NUFIP2: variants seen among roughly 807,000 people sequenced by gnomAD.
The protein encoded by NUFIP2 is FMR1-interacting protein NUFIP2.
A neutral mutation model predicts 56.9 loss-of-function variants in NUFIP2; 6 were observed. The observed-to-expected ratio is 0.11, with a 90% CI of 0.06 to 0.21. The LOEUF is 0.21. Among genes scored for constraint, NUFIP2 ranks in the 10% least tolerant of loss-of-function variants. The pLI is 1.00. For missense variants in NUFIP2, 828 were observed against 826.8 expected, an observed-to-expected ratio of 1.00 and a Z score of -0.02; for synonymous variants, 321 against 298.2, an observed-to-expected ratio of 1.08 and a Z score of -0.79.
chr17:29,276,884 A>G (rs866607081), intron 2 of NUFIP2, among the ~76,000 whole-genome samples: 1 of 152,194 alleles, frequency 6.6e-6, no homozygotes, highest in African/African-American at 2.4e-5. Flanking sequence ...CAAAAACAGC[A>G]ATTTCATATA....
intron 2 of NUFIP2, among the ~76,000 whole-genome samples, chr17:29,276,838 A>G (rs1288804479): frequency 6.6e-6 from 1 of 152,180 alleles, no homozygotes; most frequent in Non-Finnish European, 1.5e-5. Context: ...AGGCAGACCC[A>G]TTTGGCATTG....
chr17:29,272,469 T>C (rs1045383667), intron 2 of NUFIP2, among the ~76,000 whole-genome samples: 3 of 152,124 alleles, frequency 2.0e-5, no homozygotes, highest in Admixed American at 2.0e-4. Context: ...CTCGATCTCC[T>C]GACCTTGTGA....
Position 29,287,175 on chromosome 17 carries a change from T to C in NUFIP2, c.819A>G (p.Val273=). 6.2e-7 allele frequency: 1 copy of C among 1,614,220 alleles called. No homozygotes were observed. The highest frequency in any genetic ancestry group is 8.5e-7 in the Non-Finnish European group (1 of 1,180,034). ...ACTTCCAAATGGGCTTCGAACCATC[T>C]ACTCGATTTCCCTTTTGTTCACTAT... ...PDYSEQKGNR[V]DGSKPIWKYE... Residue 273 remains valine, a synonymous_variant, in exon 2 of 4, where the codon GTA becomes GTG. Transcript: ENST00000225388.
rs2068986103 is a variant in NUFIP2 at position 29,258,924 on chromosome 17, G to A, written c.*5615C>T. The A allele has an allele frequency of 6.6e-6, 1 of 152,124 alleles. No individual in the cohort carries two copies. The highest frequency in any genetic ancestry group is 6.5e-5 in the Admixed American group (1 of 15,274). The allele number at this position is 152,124 out of a possible 1,614,324, so 9.4% of individuals were successfully genotyped here. On this transcript the variant is annotated 3_prime_UTR_variant, in exon 4 of 4. Coordinates refer to ENST00000225388, the MANE Select transcript of NUFIP2 (RefSeq NM_020772.3). ...AAAATGCAACAATATCTAATGAAAT[G>A]TATTCAAGATCATGAAAGGATCCTC...
chr17:29,265,303 T>G (rs974447324), intron 3 of NUFIP2, among the ~76,000 whole-genome samples: 2 of 132,244 alleles, frequency 1.5e-5, no homozygotes, highest in African/African-American at 2.8e-5. Context: ...TTATTTTATT[T>G]TATTTTTTTT....
rs1187791767 is a variant in NUFIP2 at position 29,259,453 on chromosome 17, GCC to G, written c.*5084_*5085del. ...AAATTAGCCAGGTGTGGTGGTGTGC[GCC>G]CGTAATCCCAGCTACATGGGAGGCT... On this transcript the variant is annotated 3_prime_UTR_variant, in exon 4 of 4. Coordinates refer to ENST00000225388, the MANE Select transcript of NUFIP2 (RefSeq NM_020772.3). The G allele has an allele frequency of 6.6e-6, 1 of 151,848 alleles. No homozygotes were observed. The highest frequency in any genetic ancestry group is 1.9e-4 in the East Asian group (1 of 5,172). 9.4% of individuals were successfully genotyped at this position (151,848 alleles called of 1,614,324 possible). A position where few individuals can be genotyped will look rare whatever the true frequency, so the allele number is the denominator to read the frequency against.
intron 2 of NUFIP2, among the ~76,000 whole-genome samples, chr17:29,275,799 G>A (rs372160518): frequency 1.8e-4 from 28 of 152,076 alleles, no homozygotes; most frequent in African/African-American, 6.3e-4. Flanking sequence ...AGGCCAAGGC[G>A]GGTGGATCAC....
chr17:29,293,212 C>G (rs1338399045), intron 1 of NUFIP2, among the ~76,000 whole-genome samples: 1 of 151,508 alleles, frequency 6.6e-6, no homozygotes, highest in East Asian at 2.0e-4. Context: ...GGAAATGACC[C>G]GTGAGATGAG....
chr17:29,275,828 G>A (rs532625419), intron 2 of NUFIP2, among the ~76,000 whole-genome samples: 65 of 152,078 alleles, frequency 4.3e-4, no homozygotes, highest in African/African-American at 1.5e-3. Flanking sequence ...AGGAGTTCGA[G>A]GCCAGCCTGA....
In NUFIP2 at chr17:29,263,285, C is replaced by T. The variant is rs1055928215; in HGVS notation, c.*1254G>A. ...ATGTAATGATAAGACAGGGCTAATGCTCTTCTCTGCCCCAAAGAAAATTTC... is the reference window on the plus strand; with the variant it reads ...ATGTAATGATAAGACAGGGCTAATGTTCTTCTCTGCCCCAAAGAAAATTTC... On this transcript the variant is annotated 3_prime_UTR_variant, in exon 4 of 4. Coordinates refer to ENST00000225388, the MANE Select transcript of NUFIP2 (RefSeq NM_020772.3). 1 of 152,582 alleles carries T rather than the reference C, an allele frequency of 6.6e-6. No homozygotes were observed. Among genetic ancestry groups the T allele is most frequent in the East Asian group, 1.9e-4 (1 of 5,202 alleles). The allele number at this position is 152,582 out of a possible 1,614,324, so 9.5% of individuals were successfully genotyped here.
In NUFIP2 at chr17:29,260,193, A is replaced by G. The variant is rs1042947428; in HGVS notation, c.*4346T>C. 5.3e-5 allele frequency: 8 copies of G among 151,696 alleles called. No individual in the cohort carries two copies. The highest frequency in any genetic ancestry group is 1.0e-4 in the Non-Finnish European group (7 of 67,898). The allele number at this position is 151,696 out of a possible 1,614,324, so 9.4% of individuals were successfully genotyped here. Reference sequence around the variant, plus strand: ...AAATTATCAAAATTTTGTGGCGGGTAAGGGGACAAGAGCAAATCCTACGTT... The same window carrying G: ...AAATTATCAAAATTTTGTGGCGGGTGAGGGGACAAGAGCAAATCCTACGTT... On this transcript the variant is annotated 3_prime_UTR_variant, in exon 4 of 4. Coordinates refer to ENST00000225388, the MANE Select transcript of NUFIP2 (RefSeq NM_020772.3).
chr17:29,286,485 G>T lies in NUFIP2; in HGVS notation c.1509C>A (p.Phe503Leu). The T allele has an allele frequency of 6.2e-7, 1 of 1,614,204 alleles. No individual in the cohort carries two copies. Among genetic ancestry groups the T allele is most frequent in the Non-Finnish European group, 8.5e-7 (1 of 1,180,052 alleles). ...QTDQQNLGDIFQNQWGLSFIN... is the reference protein window; with the variant it reads ...QTDQQNLGDILQNQWGLSFIN... ...TAAATGATAAACCCCACTGATTCTG[G>T]AAGATATCCCCCAGGTTTTGCTGAT... Residue 503 changes from phenylalanine (F) to leucine (L), a missense_variant, in exon 2 of 4, where the codon TTC (phenylalanine) becomes TTA (leucine). Around this residue, in one of 3 missense-constraint regions of NUFIP2, gnomAD observed 404 missense variants for 380.3 expected, o/e 1.06. Coordinates refer to ENST00000225388, the MANE Select transcript of NUFIP2 (RefSeq NM_020772.3).
intron 2 of NUFIP2, among the ~76,000 whole-genome samples, chr17:29,272,074 G>C (rs1213732901): frequency 9.0e-6 from 1 of 111,586 alleles, no homozygotes; most frequent in African/African-American, 3.5e-5. Flanking sequence ...CTGTCGAAAA[G>C]AGAGGGGAGG....
Position 29,286,005 on chromosome 17 carries a change from T to C in NUFIP2, c.1989A>G (p.Val663=), listed in dbSNP as rs2069171055. The change falls in exon 2 of 4, where the codon GTA becomes GTG. Residue 663 remains valine (V), a synonymous_variant. Coordinates refer to ENST00000225388, the MANE Select transcript of NUFIP2 (RefSeq NM_020772.3). ...WGSFDLRAAI[V]YHTKEMESIW... ...CAAATGAGTTACCTTTAGTGTGATATACAATAGCAGCCCTCAGGTCAAAAG... is the reference window on the plus strand; with the variant it reads ...CAAATGAGTTACCTTTAGTGTGATACACAATAGCAGCCCTCAGGTCAAAAG... 6 of 1,611,576 alleles carry C rather than the reference T, an allele frequency of 3.7e-6. No individual in the cohort carries two copies. Among genetic ancestry groups the C allele is most frequent in the Non-Finnish European group, 5.1e-6 (6 of 1,178,588 alleles).
intron 2 of NUFIP2, among the ~76,000 whole-genome samples, chr17:29,271,858 G>C (rs2069074607): frequency 6.6e-6 from 1 of 151,894 alleles, no homozygotes; most frequent in African/African-American, 2.4e-5. Context: ...ATTACCTGAG[G>C]TCAGGAGTTC....
Position 29,264,543 on chromosome 17 carries a change from T to G in NUFIP2, c.2084A>C (p.Gln695Pro). The change falls in exon 4 of 4, where the codon CAA becomes CCA. Residue 695 changes from glutamine to proline, a missense_variant. Transcript: ENST00000225388. The stretch of plus-strand genomic sequence containing the variant: ...ACGAATAGGCAGTCTGGTCCTTCAT[T>G]GATCTGGACTATCCATGGCTTCATT... Reference protein sequence around the residue: ...TYNEAMDSPDQ With the variant: ...TYNEAMDSPDP 6.2e-7 allele frequency: 1 copy of G among 1,606,740 alleles called. No individual in the cohort carries two copies. Among genetic ancestry groups the G allele is most frequent in the Non-Finnish European group, 8.5e-7 (1 of 1,173,710 alleles).
chr17:29,264,593 TA>T lies in NUFIP2; in HGVS notation c.2036-3del. The T allele has an allele frequency of 6.3e-7, 1 of 1,577,144 alleles. No homozygotes were observed. Among genetic ancestry groups the T allele is most frequent in the African/African-American group, 1.3e-5 (1 of 74,184 alleles). On this transcript the variant is annotated splice_polypyrimidine_tract_variant and splice_region_variant and intron_variant, in intron 3 of 3. Coordinates refer to ENST00000225388, the MANE Select transcript of NUFIP2 (RefSeq NM_020772.3). ...TGTAAGTGATTATCCTTTTGGGATC[TA>T]GAAAGGTTAAAAAAATAAATAAAAA...
intron 2 of NUFIP2, among the ~76,000 whole-genome samples, chr17:29,274,353 G>A (rs1004003104): frequency 1.3e-5 from 2 of 152,128 alleles, no homozygotes; most frequent in Non-Finnish European, 2.9e-5. Flanking sequence ...CATGCCTGTA[G>A]TCTCAGCTAC....
In NUFIP2 at chr17:29,264,544, G is replaced by T. The variant is rs368319103; in HGVS notation, c.2083C>A (p.Gln695Lys). ...TYNEAMDSPD[Q>K] is the part of the protein sequence containing the mutation. ...CGAATAGGCAGTCTGGTCCTTCATT[G>T]ATCTGGACTATCCATGGCTTCATTG... Residue 695 changes from glutamine to lysine, a missense_variant, in exon 4 of 4, where the codon CAA becomes AAA. Transcript: ENST00000225388. 2.2e-5 allele frequency: 36 copies of T among 1,606,900 alleles called. No individual in the cohort carries two copies. Among genetic ancestry groups the T allele is most frequent in the Non-Finnish European group, 2.2e-5 (26 of 1,173,944 alleles).
Sources: allele counts gnomAD v4.1 joint callset (sites outside exome capture counted in the v4.1 genomes callset), GRCh38; gene constraint gnomAD v4.1.1; regional missense constraint gnomAD v4.1.1; transcripts MANE v1.5; gene names NCBI Gene and HGNC (gene_info 2026-07-23, HGNC 2026-07-21).